Variants in NOMO1 observed in about 807,000 individuals in gnomAD.
NOMO1 encodes NODAL modulator 1.
NOMO1 carries 40 observed loss-of-function variants against 133.8 expected under a neutral mutation model. That is an observed-to-expected ratio of 0.30 (90% CI 0.23 to 0.39). NOMO1 has a LOEUF of 0.39. NOMO1 is among the 10% of genes least tolerant of loss of function. NOMO1 has a pLI of 1.00. For synonymous variants in NOMO1, 236 were observed against 570.5 expected (o/e 0.41, Z 8.36); for missense variants, 462 against 1,419.9 (o/e 0.33, Z 10.84).
chr16:14,863,046 C>G lies in NOMO1; in HGVS notation c.1254C>G (p.Arg418=). 2 of 1,611,028 alleles carry G rather than the reference C, an allele frequency of 1.2e-6. No individual in the cohort carries two copies. The highest frequency in any genetic ancestry group is 1.7e-6 in the Non-Finnish European group (2 of 1,179,618). Reference sequence around the variant, plus strand: ...TCTGTGGTCAGATATCAATCATTCGCTTCCCCGACACCGTCAAGCAGATGA... The same window carrying G: ...TCTGTGGTCAGATATCAATCATTCGGTTCCCCGACACCGTCAAGCAGATGA... The part of the protein sequence containing the change: ...FSVCGQISII[R]FPDTVKQMNK... The change falls in exon 12 of 31, where the codon CGC becomes CGG. Residue 418 remains arginine, a synonymous_variant. Transcript: ENST00000287667.
In NOMO1 at chr16:14,838,524, A is replaced by G. The variant is rs545040477; in HGVS notation, c.255+28A>G. 71 of 1,611,784 alleles carry G rather than the reference A, an allele frequency of 4.4e-5. No homozygotes were observed. In the East Asian group the frequency reaches 1.5e-3, roughly 33 times the overall value. ...AAGAGGGGACTGCTTGTCACTTATG[A>G]TGGGAAATCACTAGTGTGCCTCACC... On this transcript the variant is annotated intron_variant, in intron 2 of 30. Coordinates refer to ENST00000287667, the MANE Select transcript of NOMO1 (RefSeq NM_014287.4).
At chr16:14,892,867 G>A (rs890134074) in intron 29 of NOMO1, among the ~76,000 whole-genome samples, 9 of 137,590 alleles carry the variant, frequency 6.5e-5, no homozygotes, top group East Asian at 2.2e-4. Flanking sequence ...TTTCCACCTC[G>A]TTCTGCCCTC....
intron 16 of NOMO1, among the ~76,000 whole-genome samples, chr16:14,869,777 T>C (rs1352326820): frequency 2.6e-5 from 4 of 151,692 alleles, no homozygotes; most frequent in Admixed American, 6.6e-5. Context: ...AATTGCTGCA[T>C]TGTGTGATAA....
rs1445589178 is a variant in NOMO1 at position 14,867,173 on chromosome 16, TA to T, written c.1806+483del. Among the ~76,000 whole-genome samples the T allele has an allele frequency of 3.1e-3, 61 of 19,920 alleles. 2 individuals are homozygous for T. Among genetic ancestry groups the T allele is most frequent in the African/African-American group, 4.7e-3 (26 of 5,568 alleles). The allele number at this position is 19,920 out of a possible 152,430, so 13.1% of individuals were successfully genotyped here. A position where few individuals can be genotyped will look rare whatever the true frequency, so the allele number is the denominator to read the frequency against. On this transcript the variant is annotated intron_variant, in intron 15 of 30. Coordinates refer to ENST00000287667, the MANE Select transcript of NOMO1 (RefSeq NM_014287.4). ...TGATATATATATATATATATATATA[TA>T]TATTTTTTTTTTTTTTTTTTTTTTT...
At chr16:14,846,725 C>T (rs1248048088) in intron 5 of NOMO1, 42 bp downstream of exon 5, 1 of 767,796 alleles carries the variant, frequency 1.3e-6, no homozygotes, top group African/African-American at 1.8e-5. Context: ...TAGAGCCGGG[C>T]TCTGACAGGG....
intron 27 of NOMO1, among the ~76,000 whole-genome samples, chr16:14,885,862 G>A (rs1964315865): frequency 6.6e-6 from 1 of 152,052 alleles, no homozygotes; most frequent in Middle Eastern, 3.4e-3. Flanking sequence ...TTTAAATATA[G>A]TCGGTGAATT....
intron 18 of NOMO1, among the ~76,000 whole-genome samples, chr16:14,874,531 C>T (rs543848200): frequency 9.2e-5 from 14 of 152,158 alleles, no homozygotes; most frequent in East Asian, 1.9e-4. Context: ...AACAGTGCTC[C>T]GGGCTCTCCG....
chr16:14,881,358 G>GC (rs1964239847), intron 24 of NOMO1, among the ~76,000 whole-genome samples, 186 bp from the exon 25 acceptor site: 1 of 151,976 alleles, frequency 6.6e-6, no homozygotes, highest in East Asian at 1.9e-4. Context: ...GAAATTGATG[G>GC]CAGCTTATCC....
At chr16:14,867,699 G>A (rs1964024292) in intron 15 of NOMO1, among the ~76,000 whole-genome samples, 2 of 148,562 alleles carry the variant, frequency 1.3e-5, no homozygotes, top group South Asian at 4.3e-4. Context: ...TAGTTTCTCT[G>A]TAGAGAAACT....
chr16:14,836,519 G>C (rs551471911), intron 1 of NOMO1, among the ~76,000 whole-genome samples: 1 of 151,890 alleles, frequency 6.6e-6, no homozygotes, highest in South Asian at 2.1e-4. Flanking sequence ...AGGTGCATCA[G>C]ACCCAACTGC....
chr16:14,844,381 A>C (rs1247450552), intron 3 of NOMO1, among the ~76,000 whole-genome samples: 1 of 151,490 alleles, frequency 6.6e-6, no homozygotes, highest in Admixed American at 6.6e-5. Flanking sequence ...TTTTCACTGG[A>C]ACTCTGAGAT....
intron 26 of NOMO1, among the ~76,000 whole-genome samples, 183 bp downstream of exon 26, chr16:14,882,860 C>T (rs990214139): frequency 6.6e-6 from 1 of 151,990 alleles, no homozygotes; most frequent in Non-Finnish European, 1.5e-5. Context: ...TAATGAACAG[C>T]GTTGCTGTCA....
intron 16 of NOMO1, among the ~76,000 whole-genome samples, 199 bp downstream of exon 16, chr16:14,868,834 A>G (rs1308022828): frequency 6.6e-6 from 1 of 151,180 alleles, no homozygotes; most frequent in African/African-American, 2.4e-5. Context: ...CTCCAAAAAT[A>G]TACCATTGGC....
At chr16:14,889,548 A>G (rs1005787923) in intron 29 of NOMO1, among the ~76,000 whole-genome samples, 1 of 151,902 alleles carries the variant, frequency 6.6e-6, no homozygotes, top group Non-Finnish European at 1.5e-5. Context: ...AAAAAAAACA[A>G]AACAAAACAA....
intron 1 of NOMO1, 129 bp from the exon 2 acceptor site, chr16:14,838,278 C>T (rs1340459865): frequency 5.9e-6 from 5 of 854,126 alleles, no homozygotes; most frequent in African/African-American, 1.7e-5. Flanking sequence ...CAGTAATGCC[C>T]CGTGTTAAAA....
chr16:14,864,513 T>C, intron 12 of NOMO1, 72 bp from the exon 13 acceptor site: 13 of 1,599,350 alleles, frequency 8.1e-6, no homozygotes, highest in Non-Finnish European at 1.0e-5. Context: ...AGATGAATGT[T>C]CTAGCGCCCT....
chr16:14,842,795 A>G (rs1216047857), intron 3 of NOMO1, among the ~76,000 whole-genome samples: 1 of 150,162 alleles, frequency 6.7e-6, no homozygotes, highest in African/African-American at 2.4e-5. Flanking sequence ...ACTTTTTAAT[A>G]TCCGGTTTCT....
At chr16:14,865,971 T>G (rs1304485143) in intron 14 of NOMO1, among the ~76,000 whole-genome samples, 1 of 133,052 alleles carries the variant, frequency 7.5e-6, no homozygotes, top group African/African-American at 2.9e-5. Context: ...AGAAAAAGTT[T>G]GTGGATCCCT....
At chr16:14,846,497 G>T (rs1170276269) in intron 4 of NOMO1, 80 bp from the exon 5 acceptor site, 4 of 578,644 alleles carry the variant, frequency 6.9e-6, no homozygotes, top group Non-Finnish European at 1.2e-5. Context: ...GGCTCCACCT[G>T]GGAGTTGTAA....
Sources: gnomAD v4.1 joint callset for allele counts (sites outside exome capture counted in the v4.1 genomes callset) on GRCh38, gnomAD v4.1.1 for gene constraint, MANE v1.5 for transcripts, NCBI Gene and HGNC (gene_info 2026-07-23, HGNC 2026-07-21) for gene names.